The following LRRN2 variants were observed in gnomAD, a reference collection of about 807,000 sequenced individuals.
The protein encoded by LRRN2 is leucine rich repeat neuronal 2, also known as leucine-rich repeat neuronal protein 2.
A neutral mutation model predicts 35.7 loss-of-function variants in LRRN2; 10 were observed. The ratio of observed to expected loss-of-function variants is 0.28; its 90% CI spans 0.17 to 0.47. LRRN2 has a LOEUF of 0.47. Ranked by LOEUF, LRRN2 falls within the 20% of genes least tolerant of loss-of-function variation. The probability of loss-of-function intolerance (pLI) is 0.99; values close to 1 mark genes in which losing one functional copy is unlikely to be tolerated. For synonymous variants in LRRN2, 391 were observed against 409.6 expected (o/e 0.95, Z 0.55); for missense variants, 731 against 940.3 (o/e 0.78, Z 2.91).
chr1:204,622,609 G>A (rs1666986803), intron 1 of LRRN2, among the ~76,000 whole-genome samples: 1 of 152,104 alleles, frequency 6.6e-6, no homozygotes, highest in Non-Finnish European at 1.5e-5. Flanking sequence ...GCCAGTGTAT[G>A]GGGGTCAGGA....
chr1:204,644,056 G>A (rs952737842), intron 1 of LRRN2, among the ~76,000 whole-genome samples: 1 of 152,062 alleles, frequency 6.6e-6, no homozygotes, highest in African/African-American at 2.4e-5. Context: ...CTCAATAAAT[G>A]GGTTCCCTTT....
At chr1:204,655,614 T>G (rs1163557551) in intron 1 of LRRN2, among the ~76,000 whole-genome samples, 1 of 151,480 alleles carries the variant, frequency 6.6e-6, no homozygotes, top group Non-Finnish European at 1.5e-5. Flanking sequence ...TTTTTTTGTT[T>G]TTTTTTTTCT....
At chr1:204,626,301 T>C (rs1335779843) in intron 1 of LRRN2, among the ~76,000 whole-genome samples, 4 of 152,034 alleles carry the variant, frequency 2.6e-5, no homozygotes, top group Non-Finnish European at 5.9e-5. Context: ...TGCTCACACC[T>C]ACCTTCTCTT....
chr1:204,628,224 G>A (rs1182920642), intron 1 of LRRN2: 5 of 152,270 alleles, frequency 3.3e-5, no homozygotes, highest in Non-Finnish European at 7.3e-5. Context: ...TCTGACTCAA[G>A]TTCTTGCCTC....
intron 1 of LRRN2, among the ~76,000 whole-genome samples, chr1:204,670,014 T>G (rs960872802): frequency 1.8e-4 from 28 of 152,178 alleles, no homozygotes; most frequent in Middle Eastern, 3.4e-3. Context: ...TCGTTTTTTT[T>G]TTTGTTTGTT....
At chr1:204,627,726 T>TC (rs1298860566) in intron 1 of LRRN2, among the ~76,000 whole-genome samples, 1 of 152,232 alleles carries the variant, frequency 6.6e-6, no homozygotes, top group African/African-American at 2.4e-5. Context: ...TTGCTGCCAG[T>TC]CTTTTGCTGA....
At chr1:204,681,246 G>A (rs900326317) in intron 1 of LRRN2, among the ~76,000 whole-genome samples, 1 of 152,160 alleles carries the variant, frequency 6.6e-6, no homozygotes, top group Non-Finnish European at 1.5e-5. Flanking sequence ...CACCAAGCCT[G>A]GCTGAGAGTC....
Position 204,618,006 on chromosome 1 carries a change from G to A in LRRN2, c.1987C>T (p.Arg663Trp), listed in dbSNP as rs747510292. Residue 663 changes from arginine to tryptophan, a missense_variant, in exon 2 of 2, where the codon CGG becomes TGG. This residue lies in a region of LRRN2 where 229 missense variants were observed against 258.4 expected (regional missense o/e 0.89). Transcript: ENST00000367177. The stretch of plus-strand genomic sequence containing the variant: ...AAAGCCCAGGCTGGAGGGAGAGGCC[G>A]CCTCCCACCCACACCCTTCCTGGGT... ...GQPRKGVGGR[R>W]PLPPAWAFWG... 19 of 1,612,518 alleles carry A rather than the reference G, an allele frequency of 1.2e-5. No individual in the cohort carries two copies. The highest frequency in any genetic ancestry group is 5.5e-5 in the South Asian group (5 of 90,920).
intron 1 of LRRN2, among the ~76,000 whole-genome samples, chr1:204,624,930 C>G (rs1415730632): frequency 2.6e-5 from 4 of 152,234 alleles, no homozygotes; most frequent in Non-Finnish European, 5.9e-5. Context: ...AGCAGATAAG[C>G]GCTGGGTGGG....
chr1:204,639,806 T>C (rs1431915248), intron 1 of LRRN2, among the ~76,000 whole-genome samples: 4 of 152,154 alleles, frequency 2.6e-5, no homozygotes, highest in Non-Finnish European at 5.9e-5. Context: ...TTATCCCCAT[T>C]GTGCAGATGA....
intron 1 of LRRN2, among the ~76,000 whole-genome samples, chr1:204,635,835 G>A (rs533783570): frequency 1.8e-4 from 27 of 152,320 alleles, no homozygotes; most frequent in African/African-American, 6.3e-4. Context: ...AATCCCAAAT[G>A]GAAGGACCAA....
At chr1:204,666,932 A>C (rs1441338318) in intron 1 of LRRN2, among the ~76,000 whole-genome samples, 1 of 135,034 alleles carries the variant, frequency 7.4e-6, no homozygotes, top group Admixed American at 8.9e-5. Context: ...ACTGCACTCC[A>C]GCCTGGATGC....
intron 1 of LRRN2, chr1:204,629,474 C>T (rs745654065): frequency 2.1e-4 from 32 of 153,092 alleles, no homozygotes; most frequent in Non-Finnish European, 2.5e-4. Context: ...CCATAATTCC[C>T]GCGTGTTGTG....
intron 1 of LRRN2, among the ~76,000 whole-genome samples, chr1:204,632,927 C>CT (rs1667745995): frequency 6.7e-6 from 1 of 149,970 alleles, no homozygotes; most frequent in Non-Finnish European, 1.5e-5. Context: ...GAGCGAGACT[C>CT]TGTCTCCAAA....
At chr1:204,632,310 C>G (rs572259901) in intron 1 of LRRN2, among the ~76,000 whole-genome samples, 1 of 152,256 alleles carries the variant, frequency 6.6e-6, no homozygotes, top group East Asian at 1.9e-4. Context: ...ATAGGCTGTT[C>G]AGATCAAATG....
chr1:204,648,287 C>T (rs1253928243), intron 1 of LRRN2, among the ~76,000 whole-genome samples: 2 of 152,186 alleles, frequency 1.3e-5, no homozygotes, highest in East Asian at 3.8e-4. Flanking sequence ...GGGCAGGGTG[C>T]AGAAGAAGCT....
At chr1:204,632,974 T>C (rs1667747723) in intron 1 of LRRN2, among the ~76,000 whole-genome samples, 6 of 152,122 alleles carry the variant, frequency 3.9e-5, no homozygotes, top group Admixed American at 3.3e-4. Flanking sequence ...CAATCCTATG[T>C]TGCTATGGTC....
intron 1 of LRRN2, chr1:204,629,564 T>A (rs1332811378): frequency 1.2e-5 from 2 of 161,052 alleles, no homozygotes; most frequent in Non-Finnish European, 2.7e-5. Context: ...CAAGATCTGA[T>A]GGTTTTATCA....
rs1025181038 is a variant in LRRN2, at chr1:204,640,625, C to A, written c.-226-20407G>T. Among the ~76,000 whole-genome samples, 5 of 152,142 alleles carry A rather than the reference C, an allele frequency of 3.3e-5. No homozygotes were observed. The East Asian group carries it at 9.6e-4, about 29-fold the overall frequency. ...TGACTCTCCTGTCTCTTCTCTACCC[C>A]TTCCCCATGCTTGCTTTCCATCCCT... On this transcript the variant is annotated intron_variant, in intron 1 of 1. Coordinates refer to ENST00000367177, the MANE Select transcript of LRRN2 (RefSeq NM_201630.2).
Sources: allele counts gnomAD v4.1 joint callset (sites outside exome capture counted in the v4.1 genomes callset), GRCh38; gene constraint gnomAD v4.1.1; regional missense constraint gnomAD v4.1.1; transcripts MANE v1.5; gene names NCBI Gene and HGNC (gene_info 2026-07-23, HGNC 2026-07-21).